Variants in DGKD observed in about 807,000 individuals in gnomAD.
The protein encoded by DGKD is DAG kinase delta.
DGKD carries 68 observed loss-of-function variants against 154.4 expected under a neutral mutation model. The ratio of observed to expected loss-of-function variants is 0.44; its 90% CI spans 0.36 to 0.54. DGKD has a LOEUF of 0.54. Among genes scored for constraint, DGKD ranks in the 20% least tolerant of loss-of-function variants. DGKD has a pLI of 0.00. For missense variants in DGKD, 1,343 were observed against 1,593.6 expected (o/e 0.84, Z 2.68); for synonymous variants, 693 against 638.0 (o/e 1.09, Z -1.30).
chr2:233,355,130 C>T (rs531914131), intron 1 of DGKD, among the ~76,000 whole-genome samples: 1 of 152,218 alleles, frequency 6.6e-6, no homozygotes, highest in South Asian at 2.1e-4. Flanking sequence ...CGCGAGTGCC[C>T]TGCAGACTTC....
At chr2:233,451,868 C>G in intron 17 of DGKD, 96 bp from the exon 18 acceptor site, 2 of 1,008,042 alleles carry the variant, frequency 2.0e-6, no homozygotes, top group Non-Finnish European at 3.0e-6. Context: ...TAATAACGTT[C>G]TGCAGAATAC....
At chr2:233,393,406 G>A (rs1703773898) in intron 3 of DGKD, among the ~76,000 whole-genome samples, 2 of 146,596 alleles carry the variant, frequency 1.4e-5, no homozygotes, top group African/African-American at 5.1e-5. Flanking sequence ...CTGTGATCTC[G>A]GCTCATGGCA....
chr2:233,425,969 A>G (rs1256223920), intron 3 of DGKD, among the ~76,000 whole-genome samples: 1 of 152,194 alleles, frequency 6.6e-6, no homozygotes, highest in Non-Finnish European at 1.5e-5. Flanking sequence ...GATTTTACCA[A>G]ATGGTTTCCA....
intron 3 of DGKD, among the ~76,000 whole-genome samples, chr2:233,424,706 G>A (rs2062233422): frequency 6.6e-6 from 1 of 152,198 alleles, no homozygotes; most frequent in Non-Finnish European, 1.5e-5. Flanking sequence ...GGCCACATCA[G>A]CTCATTTGCT....
rs544136721 is a variant in DGKD at position 233,439,638 on chromosome 2, A to T, written c.1085+1259A>T. 2.0e-5 allele frequency among the ~76,000 whole-genome samples: 3 copies of T among 152,326 alleles called. No individual in the cohort carries two copies. The South Asian group carries it at 6.2e-4, about 32-fold the overall frequency. ...GTACACTGGTGCAATCCTGGCTCACAGCAGCCTCAACCTCCTGGGCTCAAA... is the reference window on the plus strand; with the variant it reads ...GTACACTGGTGCAATCCTGGCTCACTGCAGCCTCAACCTCCTGGGCTCAAA... On this transcript the variant is annotated intron_variant, in intron 9 of 29. Transcript: ENST00000264057.
At position 233,354,653 on chromosome 2, in the gene DGKD, G is replaced by C; in HGVS notation, c.135G>C (p.Thr45=). ...AGAAGCTCATCCGCAAGGTGTCCAC[G>C]TCGGGTCAGATCCGACAGAAGGTGA... ...SPQKLIRKVS[T]SGQIRQKTII... is the part of the protein sequence containing the mutation. The change falls in exon 1 of 30, where the codon ACG becomes ACC. Residue 45 remains threonine, a synonymous_variant. Transcript: ENST00000264057. The surrounding 1 kb of genome is among the most constrained non-coding windows in gnomAD (Gnocchi z 4.8). The C allele has an allele frequency of 9.3e-7, 1 of 1,075,378 alleles. No homozygotes were observed. The highest frequency in any genetic ancestry group is 1.1e-6 in the Non-Finnish European group (1 of 880,090). The allele number at this position is 1,075,378 out of a possible 1,614,324, so 66.6% of individuals were successfully genotyped here.
At chr2:233,450,555 C>T (rs1447068584) in intron 16 of DGKD, among the ~76,000 whole-genome samples, 1 of 152,150 alleles carries the variant, frequency 6.6e-6, no homozygotes, top group East Asian at 1.9e-4. Flanking sequence ...GTGGAGGGCA[C>T]CCCCAGCCTG....
chr2:233,462,589 AACC>A, intron 25 of DGKD, 51 bp from the exon 26 acceptor site: 5 of 1,576,366 alleles, frequency 3.2e-6, no homozygotes, highest in Non-Finnish European at 4.4e-6. Context: ...CCCTGCCCCT[AACC>A]GTGCATGTTC....
In DGKD at chr2:233,427,498, G is replaced by A. The variant is rs113196754; in HGVS notation, c.349-6882G>A. On this transcript the variant is annotated intron_variant, in intron 3 of 29. Transcript: ENST00000264057. ...TGGGATTACAGGTACATGCCACCAC[G>A]TCCAGCTATTTTTTGTATTTTTAGT... is the stretch of plus-strand genomic sequence containing the variant. 6.7e-3 allele frequency among the ~76,000 whole-genome samples: 1,015 copies of A among 152,062 alleles called. 22 individuals are homozygous for A. The East Asian group carries it at 0.087, about 13-fold the overall frequency.
intron 1 of DGKD, among the ~76,000 whole-genome samples, chr2:233,375,818 C>T (rs916409140): frequency 6.6e-6 from 1 of 152,166 alleles, no homozygotes; most frequent in Admixed American, 6.5e-5. Flanking sequence ...TTTCATCTGT[C>T]TCCACCCCCT....
chr2:233,424,238 A>T (rs945933251), intron 3 of DGKD, among the ~76,000 whole-genome samples: 2 of 152,070 alleles, frequency 1.3e-5, no homozygotes, highest in Non-Finnish European at 2.9e-5. Context: ...TTGTCATTTA[A>T]AGTGTCATTT....
intron 27 of DGKD, among the ~76,000 whole-genome samples, chr2:233,465,316 C>T (rs1006076336): frequency 2.0e-5 from 3 of 152,062 alleles, no homozygotes; most frequent in Non-Finnish European, 4.4e-5. Flanking sequence ...TAAATTAAGG[C>T]CAGTAAAGTG....
chr2:233,367,393 TG>T (rs1702081178), intron 1 of DGKD, among the ~76,000 whole-genome samples: 1 of 152,082 alleles, frequency 6.6e-6, no homozygotes, highest in Non-Finnish European at 1.5e-5. Context: ...CATGCCCGGC[TG>T]ATTTTTTTAT....
At chr2:233,390,364 T>TC in intron 2 of DGKD, 39 bp from the exon 3 acceptor site, 2 of 1,559,382 alleles carry the variant, frequency 1.3e-6, no homozygotes, top group Non-Finnish European at 1.8e-6. Context: ...GATGTACCTG[T>TC]CTTTATGTGC....
Position 233,462,472 on chromosome 2 carries a change from G to T in DGKD, c.3093+13G>T. On this transcript the variant is annotated intron_variant, in intron 25 of 29. Coordinates refer to ENST00000264057, the MANE Select transcript of DGKD (RefSeq NM_152879.3). ...CAGAACCACAGAGGTAGCTATTCTG[G>T]CCTTTTCAGTCCTGGCTTCTTCTCA... 6.3e-7 allele frequency: 1 copy of T among 1,588,996 alleles called. No individual in the cohort carries two copies. The highest frequency in any genetic ancestry group is 1.3e-5 in the African/African-American group (1 of 74,644).
intron 3 of DGKD, among the ~76,000 whole-genome samples, chr2:233,408,314 G>A (rs777334927): frequency 7.2e-5 from 11 of 152,228 alleles, no homozygotes; most frequent in Non-Finnish European, 1.3e-4. Flanking sequence ...GATTACAGGC[G>A]TGAGCCACTG....
chr2:233,456,424 G>C (rs1022173744), intron 19 of DGKD, among the ~76,000 whole-genome samples: 5 of 152,256 alleles, frequency 3.3e-5, no homozygotes, highest in African/African-American at 4.8e-5. Context: ...AATATGCAAA[G>C]AAGACTGAGG....
In DGKD at chr2:233,451,139, G is replaced by A; in HGVS notation, c.2167+89G>A. The A allele has an allele frequency of 7.8e-6, 11 of 1,402,302 alleles. No homozygotes were observed. In the South Asian group the frequency reaches 9.8e-5, roughly 12 times the overall value. 86.9% of individuals were successfully genotyped at this position (1,402,302 alleles called of 1,614,324 possible). A position where few individuals can be genotyped will look rare whatever the true frequency, so the allele number is the denominator to read the frequency against. On this transcript the variant is annotated intron_variant, in intron 17 of 29. Transcript: ENST00000264057. ...GAAAGAGATGGGCTCGCTGCCCTCG[G>A]AGAGTTTACAGGCCCCTGAGAAAGA...
intron 3 of DGKD, among the ~76,000 whole-genome samples, chr2:233,406,835 C>T (rs1052562539): frequency 3.3e-5 from 5 of 152,124 alleles, no homozygotes; most frequent in Non-Finnish European, 5.9e-5. Context: ...GTTATGTGCT[C>T]ATACCGTATA....
Sources: gnomAD v4.1 joint callset for allele counts (sites outside exome capture counted in the v4.1 genomes callset) on GRCh38, gnomAD v4.1.1 for gene constraint, Gnocchi (gnomAD v3.1) non-coding constraint, MANE v1.5 for transcripts, NCBI Gene and HGNC (gene_info 2026-07-23, HGNC 2026-07-21) for gene names.